Variants in CSTPP1 observed in about 807,000 individuals in gnomAD.
CSTPP1 encodes UPF0705 protein C11orf49.
chr11:47,060,258 C>CTTT, the CSTPP1 span, among the ~76,000 whole-genome samples: 123 of 99,034 alleles, frequency 1.2e-3, no homozygotes, highest in East Asian at 1.8e-3. Context: ...CTTTTCTTTT[C>CTTT]TTTTTTTTTT....
At chr11:46,997,580 C>T in the CSTPP1 span, among the ~76,000 whole-genome samples, 6 of 152,232 alleles carry the variant, frequency 3.9e-5, no homozygotes, top group South Asian at 6.2e-4. Flanking sequence ...AGTCGTTCTC[C>T]GTCCAGCTTT....
the CSTPP1 span, among the ~76,000 whole-genome samples, chr11:47,113,860 C>T: frequency 6.6e-6 from 1 of 152,140 alleles, no homozygotes; most frequent in Non-Finnish European, 1.5e-5. Context: ...AATTCGATCC[C>T]ATTTGTCTAT....
chr11:47,156,881 T>A, the CSTPP1 span: 1 of 771,984 alleles, frequency 1.3e-6, no homozygotes. Flanking sequence ...GTTGAGAACT[T>A]CTGCTCTCAG....
At chr11:47,140,356 G>A in the CSTPP1 span, among the ~76,000 whole-genome samples, 1 of 151,690 alleles carries the variant, frequency 6.6e-6, no homozygotes, top group African/African-American at 2.4e-5. Context: ...GCCAAATGGA[G>A]TTAGCTTTAA....
At chr11:47,107,226 C>T in the CSTPP1 span, among the ~76,000 whole-genome samples, 2 of 152,150 alleles carry the variant, frequency 1.3e-5, no homozygotes. Flanking sequence ...CAGCATGTTC[C>T]TTGAATCAAA....
chr11:47,052,458 A>C, the CSTPP1 span: 1 of 1,613,988 alleles, frequency 6.2e-7, no homozygotes, highest in South Asian at 1.1e-5. Context: ...CACCCCCCAC[A>C]ATAGGGTATC....
the CSTPP1 span, among the ~76,000 whole-genome samples, chr11:46,986,783 A>G: frequency 7.2e-5 from 11 of 152,154 alleles, no homozygotes; most frequent in Admixed American, 2.6e-4. Flanking sequence ...TTTCTTTACA[A>G]TCATACCATC....
At chr11:47,028,812 T>C in the CSTPP1 span, among the ~76,000 whole-genome samples, 3 of 152,090 alleles carry the variant, frequency 2.0e-5, no homozygotes, top group African/African-American at 7.2e-5. Flanking sequence ...GGAGACAAAA[T>C]CATGCCATAG....
chr11:47,014,316 AAG>A, the CSTPP1 span, among the ~76,000 whole-genome samples: 53 of 151,768 alleles, frequency 3.5e-4, no homozygotes, highest in African/African-American at 1.2e-3. Context: ...AAGAGAAAGA[AAG>A]AGTAAAAGAG....
At chr11:47,161,628 C>G in the CSTPP1 span, 1 of 1,612,514 alleles carries the variant, frequency 6.2e-7, no homozygotes, top group Non-Finnish European at 8.5e-7. Flanking sequence ...ACAGACGAGT[C>G]GGAGACTTGA....
At chr11:47,128,065 C>T in the CSTPP1 span, among the ~76,000 whole-genome samples, 1 of 152,068 alleles carries the variant, frequency 6.6e-6, no homozygotes, top group African/African-American at 2.4e-5. Context: ...TTAGTATAGA[C>T]GAGGTTTCAC....
At chr11:46,962,152 G>A in the CSTPP1 span, among the ~76,000 whole-genome samples, 2 of 152,172 alleles carry the variant, frequency 1.3e-5, no homozygotes, top group African/African-American at 4.8e-5. Context: ...TCCATGACAC[G>A]TGGGGATTAT....
the CSTPP1 span, among the ~76,000 whole-genome samples, chr11:46,966,227 G>T: frequency 3.3e-5 from 5 of 152,116 alleles, no homozygotes; most frequent in Non-Finnish European, 7.4e-5. Context: ...ATTTTTAGTA[G>T]AGACGGGGTT....
the CSTPP1 span, among the ~76,000 whole-genome samples, chr11:47,148,901 A>G: frequency 6.6e-6 from 1 of 152,190 alleles, no homozygotes; most frequent in African/African-American, 2.4e-5. Flanking sequence ...CCAGAACTTC[A>G]GGAAAACCGG....
chr11:47,118,383 G>A, the CSTPP1 span, among the ~76,000 whole-genome samples: 10 of 152,052 alleles, frequency 6.6e-5, no homozygotes, highest in Admixed American at 6.6e-5. Context: ...GCTTCCTTGC[G>A]ATGGGTTCGA....
the CSTPP1 span, among the ~76,000 whole-genome samples, chr11:46,939,669 T>C: frequency 7.5e-6 from 1 of 133,844 alleles, no homozygotes; most frequent in Non-Finnish European, 1.7e-5. Context: ...GATAGATAGA[T>C]AGATAGGTAG....
the CSTPP1 span, chr11:47,161,454 C>T: frequency 2.5e-6 from 4 of 1,613,514 alleles, no homozygotes; most frequent in Middle Eastern, 3.4e-4. Context: ...AGGCTTCTTC[C>T]CTTCTTCAGG....
At chr11:47,014,367 GAAA>G in the CSTPP1 span, among the ~76,000 whole-genome samples, 3 of 112,324 alleles carry the variant, frequency 2.7e-5, no homozygotes, top group African/African-American at 8.1e-5. Context: ...AAGGAAGAAA[GAAA>G]AAAAGAAAGA....
At chr11:47,031,479 C>T in the CSTPP1 span, among the ~76,000 whole-genome samples, 2 of 152,118 alleles carry the variant, frequency 1.3e-5, no homozygotes, top group South Asian at 2.1e-4. Context: ...ATTGCTTTAG[C>T]TCAGGAGTTT....
Sources: allele counts gnomAD v4.1 joint callset (sites outside exome capture counted in the v4.1 genomes callset), GRCh38; gene constraint gnomAD v4.1.1; transcripts MANE v1.5; gene names NCBI Gene and HGNC (gene_info 2026-07-23, HGNC 2026-07-21).